The following GOLGA4 variants were observed in gnomAD, a reference collection of about 807,000 sequenced individuals.
The protein encoded by GOLGA4 is golgin A4.
In GOLGA4, 169 loss-of-function variants were observed where a neutral mutation model predicts 265.9. The observed-to-expected ratio is 0.64, with a 90% CI of 0.56 to 0.72. GOLGA4 has a LOEUF of 0.72. Among genes scored for constraint, GOLGA4 ranks in the 30% least tolerant of loss-of-function variants. The pLI is 0.00. For synonymous variants in GOLGA4, 923 were observed against 855.8 expected, an observed-to-expected ratio of 1.08 and a Z score of -1.37; for missense variants, 2,482 against 2,483.4, an observed-to-expected ratio of 1.00 and a Z score of 0.01.
In GOLGA4 at chr3:37,258,034, TATATATACATAC is replaced by T. The variant is rs1158264598; in HGVS notation, c.162+6558_162+6569del. On this transcript the variant is annotated intron_variant, in intron 2 of 23. Coordinates refer to ENST00000361924, the MANE Select transcript of GOLGA4 (RefSeq NM_002078.5). ...ACATATATATATGTATGTATATATG[TATATATACATAC>T]ATATATATATGTATGTATATATGTA... is the stretch of plus-strand genomic sequence containing the variant. 1.7e-4 allele frequency among the ~76,000 whole-genome samples: 12 copies of T among 68,604 alleles called. 2 individuals are homozygous for T. The highest frequency in any genetic ancestry group is 9.0e-4 in the South Asian group (3 of 3,342). The allele number at this position is 68,604 out of a possible 152,430, so 45.0% of individuals were successfully genotyped here.
chr3:37,290,632 G>T (rs2096862222), intron 5 of GOLGA4, among the ~76,000 whole-genome samples: 2 of 151,998 alleles, frequency 1.3e-5, no homozygotes, highest in South Asian at 4.1e-4. Flanking sequence ...AACTTCTTTT[G>T]GATTAATAAC....
chr3:37,309,556 AAAAC>A (rs1208184572), intron 10 of GOLGA4, among the ~76,000 whole-genome samples: 1 of 152,284 alleles, frequency 6.6e-6, no homozygotes, highest in African/African-American at 2.4e-5. Flanking sequence ...CTCTTGTCTC[AAAAC>A]AAACAAACAA....
rs774378864 is a variant in GOLGA4, at chr3:37,266,830, T to C, written c.163-15128T>C. ...ATTTTTGTACTTTTGCTTATTACAC[T>C]GAATGAGACAGCTACTAGCCGGGAT... is the stretch of plus-strand genomic sequence containing the variant. On this transcript the variant is annotated intron_variant, in intron 2 of 23. Coordinates refer to ENST00000361924, the MANE Select transcript of GOLGA4 (RefSeq NM_002078.5). 52 of 1,210,454 alleles carry C rather than the reference T, an allele frequency of 4.3e-5. No homozygotes were observed. The Middle Eastern group carries it at 2.0e-3, about 46-fold the overall frequency. The allele number at this position is 1,210,454 out of a possible 1,614,324, so 75.0% of individuals were successfully genotyped here. A position where few individuals can be genotyped will look rare whatever the true frequency, so the allele number is the denominator to read the frequency against.
intron 2 of GOLGA4, 122 bp downstream of exon 2, chr3:37,251,606 T>C: frequency 1.6e-6 from 1 of 618,256 alleles, no homozygotes; most frequent in Non-Finnish European, 2.8e-6. Context: ...GTAGAGTTTT[T>C]ATTAGTAACA....
At chr3:37,365,627 C>T (rs1696689799) in intron 23 of GOLGA4, among the ~76,000 whole-genome samples, 1 of 152,126 alleles carries the variant, frequency 6.6e-6, no homozygotes, top group Admixed American at 6.5e-5. Flanking sequence ...GTGTTTACTC[C>T]TGGGTTACTG....
At chr3:37,313,725 A>G (rs1344272961) in intron 10 of GOLGA4, among the ~76,000 whole-genome samples, 2 of 152,216 alleles carry the variant, frequency 1.3e-5, no homozygotes, top group Non-Finnish European at 2.9e-5. Flanking sequence ...ATATGTACAC[A>G]TATACACAGG....
chr3:37,329,068 C>A lies in GOLGA4; in HGVS notation c.6167C>A (p.Ala2056Asp). 6.2e-7 allele frequency: 1 copy of A among 1,607,050 alleles called. No individual in the cohort carries two copies. The highest frequency in any genetic ancestry group is 8.5e-7 in the Non-Finnish European group (1 of 1,177,120). ...AEKDDDLKRT[A>D]KRYEEILDAR... Reference sequence around the variant, plus strand: ...AAAGATGATGATCTAAAACGAACAGCCAAAAGATATGAAGAAATCCTTGAT... The same window carrying A: ...AAAGATGATGATCTAAAACGAACAGACAAAAGATATGAAGAAATCCTTGAT... The change falls in exon 16 of 24, where the codon GCC becomes GAC. Residue 2056 changes from alanine (A) to aspartate (D), a missense_variant. Physicochemically the swap from Ala to Asp is moderately radical, Grantham distance 126. This residue lies in a region of GOLGA4 where 942 missense variants were observed against 983.1 expected (regional missense o/e 0.96). Coordinates refer to ENST00000361924, the MANE Select transcript of GOLGA4 (RefSeq NM_002078.5).
intron 2 of GOLGA4, among the ~76,000 whole-genome samples, chr3:37,279,525 G>C (rs912194943): frequency 6.6e-6 from 1 of 152,188 alleles, no homozygotes; most frequent in Non-Finnish European, 1.5e-5. Flanking sequence ...GATGCTCCAC[G>C]TGGGGCCAAG....
chr3:37,356,648 T>C (rs1310990651), intron 22 of GOLGA4, among the ~76,000 whole-genome samples: 3 of 152,130 alleles, frequency 2.0e-5, no homozygotes, highest in East Asian at 1.9e-4. Context: ...AAGCATGAAA[T>C]TTTGTATTCA....
intron 3 of GOLGA4, among the ~76,000 whole-genome samples, chr3:37,284,686 T>C (rs115948081): frequency 0.038 from 5,559 of 147,972 alleles, 139 homozygotes; most frequent in African/African-American, 0.055. Context: ...TTTTTTGAGA[T>C]AAGGTCTTAC....
chr3:37,257,138 T>A (rs181802404), intron 2 of GOLGA4, among the ~76,000 whole-genome samples: 1 of 152,306 alleles, frequency 6.6e-6, no homozygotes, highest in African/African-American at 2.4e-5. Flanking sequence ...GGATTTACCT[T>A]TTCTGGATAT....
intron 2 of GOLGA4, among the ~76,000 whole-genome samples, chr3:37,269,367 T>C (rs1016106446): frequency 6.6e-6 from 1 of 152,228 alleles, no homozygotes; most frequent in African/African-American, 2.4e-5. Context: ...ATTCTCACCA[T>C]GGGACACGTT....
At chr3:37,330,084 A>G (rs1330263826) in intron 16 of GOLGA4, among the ~76,000 whole-genome samples, 1 of 152,078 alleles carries the variant, frequency 6.6e-6, no homozygotes, top group Non-Finnish European at 1.5e-5. Context: ...AAATAATTTC[A>G]CATTTTCTTA....
At chr3:37,257,931 A>ATATG (rs1560279548) in intron 2 of GOLGA4, among the ~76,000 whole-genome samples, 3 of 111,888 alleles carry the variant, frequency 2.7e-5, no homozygotes, top group African/African-American at 1.3e-4. Context: ...ATATATGTAT[A>ATATG]TATACATACA....
chr3:37,328,498 A>G lies in GOLGA4; in HGVS notation c.6022A>G (p.Lys2008Glu). 1.9e-6 allele frequency: 3 copies of G among 1,613,152 alleles called. No individual in the cohort carries two copies. The highest frequency in any genetic ancestry group is 2.5e-6 in the Non-Finnish European group (3 of 1,179,304). The change falls in exon 15 of 24, where the codon AAG (lysine) becomes GAG (glutamate). Residue 2008 changes from lysine (K) to glutamate (E), a missense_variant. By Grantham distance (56) the Lys-to-Glu change is moderately conservative (BLOSUM62 1). This residue lies in a region of GOLGA4 where 942 missense variants were observed against 983.1 expected (regional missense o/e 0.96). Transcript: ENST00000361924. ...GGAGTTTAATACACAGCTGGCACAAAAGGAACAAGAGCTGGAAATGACCAT... is the reference window on the plus strand; with the variant it reads ...GGAGTTTAATACACAGCTGGCACAAGAGGAACAAGAGCTGGAAATGACCAT... ...MREFNTQLAQ[K>E]EQELEMTIKE...
At chr3:37,280,698 A>G (rs1018050157) in intron 2 of GOLGA4, among the ~76,000 whole-genome samples, 3 of 152,082 alleles carry the variant, frequency 2.0e-5, no homozygotes, top group Non-Finnish European at 4.4e-5. Context: ...TTTTTTGAAA[A>G]TACTTTATAG....
At chr3:37,297,322 G>A (rs1190136410) in intron 7 of GOLGA4, among the ~76,000 whole-genome samples, 2 of 152,186 alleles carry the variant, frequency 1.3e-5, no homozygotes, top group Admixed American at 6.5e-5. Flanking sequence ...GTGGTGGGGC[G>A]GCGGGGCCAG....
intron 20 of GOLGA4, among the ~76,000 whole-genome samples, chr3:37,340,927 G>A (rs530258909): frequency 6.6e-6 from 1 of 152,184 alleles, no homozygotes; most frequent in Non-Finnish European, 1.5e-5. Context: ...CAGCACTTTG[G>A]GGGGCTGAGG....
At chr3:37,263,077 C>T (rs542532674) in intron 2 of GOLGA4, among the ~76,000 whole-genome samples, 1 of 152,260 alleles carries the variant, frequency 6.6e-6, no homozygotes, top group South Asian at 2.1e-4. Context: ...AATGAGTGCC[C>T]TATAGAGTTG....
Sources: gnomAD v4.1 joint callset for allele counts (sites outside exome capture counted in the v4.1 genomes callset) on GRCh38, gnomAD v4.1.1 for gene constraint, gnomAD v4.1.1 regional missense constraint, MANE v1.5 for transcripts, NCBI Gene and HGNC (gene_info 2026-07-23, HGNC 2026-07-21) for gene names.